The following PCDH11X variants were observed in gnomAD, a reference collection of about 807,000 sequenced individuals.
PCDH11X encodes protocadherin 11 X-linked.
A neutral mutation model predicts 53.3 loss-of-function variants in PCDH11X; 18 were observed. The ratio of observed to expected loss-of-function variants is 0.34; its 90% CI spans 0.23 to 0.50. PCDH11X has a LOEUF of 0.50. Ranked by LOEUF, PCDH11X falls within the 20% of genes least tolerant of loss-of-function variation. PCDH11X has a pLI of 0.98. For missense variants in PCDH11X, 570 were observed against 1,032.4 expected (o/e 0.55, Z 6.14); for synonymous variants, 279 against 393.3 (o/e 0.71, Z 3.44).
chrX:92,135,672 A>T (rs1179402534), intron 6 of PCDH11X, among the ~76,000 whole-genome samples: 1 of 110,259 alleles, frequency 9.1e-6, no homozygotes, highest in Non-Finnish European at 1.9e-5. Flanking sequence ...AGAGTATAAT[A>T]TGCTAATAAA....
chrX:92,257,399 T>TGACA (rs2067616633), intron 7 of PCDH11X, among the ~76,000 whole-genome samples: 1 of 111,347 alleles, frequency 9.0e-6, no homozygotes, highest in Non-Finnish European at 1.9e-5. Flanking sequence ...CTTTCTCACA[T>TGACA]TTCAAAATAA....
chrX:92,609,847 A>G (rs984430186), intron 10 of PCDH11X, among the ~76,000 whole-genome samples: 3 of 111,275 alleles, frequency 2.7e-5, no homozygotes, highest in Admixed American at 1.9e-4. Flanking sequence ...AGAACATGCG[A>G]TATTTGGCTT....
At chrX:92,106,681 A>G (rs2064391223) in intron 6 of PCDH11X, among the ~76,000 whole-genome samples, 1 of 112,172 alleles carries the variant, frequency 8.9e-6, no homozygotes, top group South Asian at 3.7e-4. Flanking sequence ...TCTTTTTTAA[A>G]TAATTCAAAT....
intron 6 of PCDH11X, among the ~76,000 whole-genome samples, chrX:92,159,351 A>G (rs2065596215): frequency 9.2e-6 from 1 of 108,251 alleles, no homozygotes; most frequent in South Asian, 4.2e-4. Context: ...AAAATATTCT[A>G]CATAGTGGAG....
At chrX:92,024,569 G>A (rs1313220862) in intron 6 of PCDH11X, among the ~76,000 whole-genome samples, 1 of 108,691 alleles carries the variant, frequency 9.2e-6, no homozygotes, top group Non-Finnish European at 1.9e-5. Flanking sequence ...AATCAATATC[G>A]TGAAAACGGC....
chrX:91,841,782 C>T (rs1937525566), intron 5 of PCDH11X, among the ~76,000 whole-genome samples: 2 of 102,361 alleles, frequency 2.0e-5, no homozygotes, highest in Admixed American at 2.2e-4. Context: ...TTTGTCTACA[C>T]TGATTTATAT....
chrX:92,285,922 G>C (rs1445756882), intron 8 of PCDH11X, among the ~76,000 whole-genome samples: 2 of 112,146 alleles, frequency 1.8e-5, no homozygotes, highest in African/African-American at 3.2e-5. Context: ...GGGATGGGCC[G>C]AAACAAAGGA....
chrX:92,517,951 C>A (rs1337188094), intron 10 of PCDH11X, among the ~76,000 whole-genome samples: 1 of 110,739 alleles, frequency 9.0e-6, no homozygotes, highest in Non-Finnish European at 1.9e-5. Flanking sequence ...CAAATATTGT[C>A]ACAGTGCAAT....
chrX:92,032,903 T>G (rs1403326028), intron 6 of PCDH11X, among the ~76,000 whole-genome samples: 2 of 107,571 alleles, frequency 1.9e-5, no homozygotes, highest in Non-Finnish European at 3.8e-5. Context: ...CTGTCTCAAC[T>G]TCCTGGGCTC....
At chrX:91,994,775 G>C (rs1444614537) in intron 6 of PCDH11X, among the ~76,000 whole-genome samples, 1 of 111,057 alleles carries the variant, frequency 9.0e-6, no homozygotes, top group Non-Finnish European at 1.9e-5. Context: ...AGTTTACAAG[G>C]GTTCCCTATT....
At chrX:91,805,385 G>A (rs781648018) in intron 1 of PCDH11X, among the ~76,000 whole-genome samples, 2 of 111,449 alleles carry the variant, frequency 1.8e-5, no homozygotes, top group Non-Finnish European at 3.8e-5. Flanking sequence ...ATGTGTATGC[G>A]TGTATTTTTA....
chrX:92,549,279 T>C (rs1280035921), intron 10 of PCDH11X, among the ~76,000 whole-genome samples: 4 of 108,265 alleles, frequency 3.7e-5, no homozygotes, highest in Non-Finnish European at 3.8e-5. Context: ...TGCCTTATTT[T>C]GTAGCACTCA....
At chrX:91,828,084 C>A (rs1329293851) in intron 4 of PCDH11X, among the ~76,000 whole-genome samples, 1 of 106,282 alleles carries the variant, frequency 9.4e-6, no homozygotes, top group Non-Finnish European at 1.9e-5. Flanking sequence ...TTTGATTATA[C>A]TTATTAATGC....
At chrX:92,155,617 C>CTTTTT (rs775178966) in intron 6 of PCDH11X, among the ~76,000 whole-genome samples, 1,203 of 79,595 alleles carry the variant, frequency 0.015, 76 homozygotes, top group African/African-American at 0.065. Flanking sequence ...ACTTCAATAG[C>CTTTTT]TTTTTTTTTT....
intron 6 of PCDH11X, among the ~76,000 whole-genome samples, chrX:91,917,840 G>A (rs368836518): frequency 9.2e-6 from 1 of 108,768 alleles, no homozygotes; most frequent in East Asian, 2.9e-4. Flanking sequence ...AATTCATATG[G>A]AATTAAAAAA....
At position 92,599,598 on chromosome X, in the gene PCDH11X, C is replaced by A. The variant is rs1308367914; in HGVS notation, c.3368-18666C>A. On this transcript the variant is annotated intron_variant, in intron 10 of 10. Coordinates refer to ENST00000682573, the MANE Select transcript of PCDH11X (RefSeq NM_032968.5). ...CTGTGAGTTCATTAAACTTCTTTTT[C>A]TTTTTAAATTACCCAGTTTTGGGTA... Among the ~76,000 whole-genome samples the A allele has an allele frequency of 8.0e-5, 9 of 112,063 alleles. No individual in the cohort carries two copies. The East Asian group carries it at 2.5e-3, about 31-fold the overall frequency.
chrX:92,484,260 CATAT>C (rs1177344022), intron 10 of PCDH11X, among the ~76,000 whole-genome samples: 6 of 91,957 alleles, frequency 6.5e-5, no homozygotes, highest in African/African-American at 2.4e-4. Flanking sequence ...TATATTTATA[CATAT>C]ATATGTGTAT....
intron 9 of PCDH11X, among the ~76,000 whole-genome samples, chrX:92,419,992 T>G (rs1471830763): frequency 1.8e-5 from 2 of 111,292 alleles, no homozygotes; most frequent in Non-Finnish European, 3.8e-5. Flanking sequence ...TCTCTCCCCC[T>G]TTTCTTTTGA....
At chrX:91,938,198 C>T (rs2061467240) in intron 6 of PCDH11X, among the ~76,000 whole-genome samples, 1 of 111,520 alleles carries the variant, frequency 9.0e-6, no homozygotes, top group Admixed American at 9.6e-5. Flanking sequence ...GATACACCCT[C>T]AGAAGCATAT....
Sources: allele counts gnomAD v4.1 joint callset (sites outside exome capture counted in the v4.1 genomes callset), GRCh38; gene constraint gnomAD v4.1.1; transcripts MANE v1.5; gene names NCBI Gene and HGNC (gene_info 2026-07-23, HGNC 2026-07-21).